Variants in AVEN observed in about 807,000 individuals in gnomAD.
AVEN encodes the protein cell death regulator Aven.
Under a neutral mutation model 38.1 loss-of-function variants are expected in AVEN, and 41 were observed. The ratio of observed to expected loss-of-function variants is 1.08; its 90% confidence interval spans 0.84 to 1.40. The LOEUF (loss-of-function observed/expected upper bound fraction) is 1.40, where lower values mean the gene tolerates loss of function less well. Ranked by LOEUF, AVEN falls within the 40% of genes most tolerant of loss-of-function variation. AVEN has a pLI of 0.00. For synonymous variants in AVEN, 206 were observed against 171.8 expected, an observed-to-expected ratio of 1.20 and a Z score of -1.56; for missense variants, 605 against 438.8, an observed-to-expected ratio of 1.38 and a Z score of -3.38.
At chr15:33,939,805 G>A (rs538539619) in intron 2 of AVEN, among the ~76,000 whole-genome samples, 3 of 152,092 alleles carry the variant, frequency 2.0e-5, no homozygotes, top group East Asian at 3.9e-4. Context: ...TGGGGCCATC[G>A]GGAAGTAGTT....
At position 33,866,708 on chromosome 15, in the gene AVEN, T is replaced by C; in HGVS notation, c.994A>G (p.Thr332Ala). Residue 332 changes from threonine to alanine, a missense_variant, in exon 6 of 6, where the codon ACT (threonine) becomes GCT (alanine). Coordinates refer to ENST00000306730, the MANE Select transcript of AVEN (RefSeq NM_020371.3). ...EEEVCAKPSV[T>A]EEKNMEPEQP... ...TCAGGTTCCATGTTTTTTTCTTCAG[T>C]CACAGATGGTTTTGCACAAACTGGG... The C allele has an allele frequency of 6.2e-7, 1 of 1,613,936 alleles. No homozygotes were observed. Among genetic ancestry groups the C allele is most frequent in the Admixed American group, 1.7e-5 (1 of 60,020 alleles).
At chr15:33,958,372 G>T (rs1482826072) in intron 2 of AVEN, among the ~76,000 whole-genome samples, 1 of 152,082 alleles carries the variant, frequency 6.6e-6, no homozygotes, top group Non-Finnish European at 1.5e-5. Context: ...TTAAGGCCAG[G>T]AGTTCAAGAC....
chr15:33,950,315 T>G (rs1794128635), intron 2 of AVEN, among the ~76,000 whole-genome samples: 1 of 152,222 alleles, frequency 6.6e-6, no homozygotes, highest in Non-Finnish European at 1.5e-5. Context: ...ATTACTCTCT[T>G]ACAATTTTCT....
chr15:34,011,054 T>A (rs561928602), intron 1 of AVEN, among the ~76,000 whole-genome samples: 3 of 152,208 alleles, frequency 2.0e-5, no homozygotes, highest in Admixed American at 2.0e-4. Context: ...GGGCCGGGCA[T>A]GGTGGCTCAT....
At chr15:33,954,554 A>G (rs867824258) in intron 2 of AVEN, among the ~76,000 whole-genome samples, 1 of 151,922 alleles carries the variant, frequency 6.6e-6, no homozygotes, top group Non-Finnish European at 1.5e-5. Context: ...TCACAAGGAC[A>G]GAAAACCAAA....
chr15:34,007,374 G>A (rs138480872), intron 1 of AVEN, among the ~76,000 whole-genome samples: 10 of 152,292 alleles, frequency 6.6e-5, no homozygotes, highest in South Asian at 2.1e-4. Context: ...CAGAAGAGCC[G>A]ACGGCCCCTT....
At chr15:33,952,709 C>T (rs1894798094) in intron 2 of AVEN, among the ~76,000 whole-genome samples, 1 of 151,894 alleles carries the variant, frequency 6.6e-6, no homozygotes, top group Non-Finnish European at 1.5e-5. Context: ...TGAAACTATC[C>T]AACTGAGGAA....
At chr15:33,971,247 T>C (rs1326456601) in intron 2 of AVEN, among the ~76,000 whole-genome samples, 1 of 152,094 alleles carries the variant, frequency 6.6e-6, no homozygotes, top group Non-Finnish European at 1.5e-5. Flanking sequence ...ATGACCTGCC[T>C]ACTTGTTTCT....
At chr15:33,936,449 T>G (rs1209082972) in intron 2 of AVEN, among the ~76,000 whole-genome samples, 1 of 152,166 alleles carries the variant, frequency 6.6e-6, no homozygotes, top group Non-Finnish European at 1.5e-5. Flanking sequence ...CAAAGACTCA[T>G]GGAAACAATA....
At chr15:33,909,966 C>A (rs1892857048) in intron 2 of AVEN, among the ~76,000 whole-genome samples, 1 of 144,542 alleles carries the variant, frequency 6.9e-6, no homozygotes, top group African/African-American at 2.9e-5. Context: ...ACACAAAATA[C>A]AAATACAAAA....
intron 1 of AVEN, among the ~76,000 whole-genome samples, chr15:34,029,310 G>A (rs1472564479): frequency 2.6e-5 from 4 of 151,906 alleles, no homozygotes; most frequent in East Asian, 1.9e-4. Flanking sequence ...TGTAAAATAC[G>A]TGCTCATAAA....
chr15:33,878,956 A>C (rs1891367477), intron 2 of AVEN, among the ~76,000 whole-genome samples: 1 of 152,184 alleles, frequency 6.6e-6, no homozygotes, highest in Non-Finnish European at 1.5e-5. Context: ...AGAAATGATC[A>C]TATGATTTCA....
chr15:33,904,439 T>G (rs1319833591), intron 2 of AVEN, among the ~76,000 whole-genome samples: 1 of 151,950 alleles, frequency 6.6e-6, no homozygotes, highest in African/African-American at 2.4e-5. Context: ...GAGACAGAGT[T>G]TTGCTCTTGT....
chr15:33,907,175 G>C (rs186278164), intron 2 of AVEN, among the ~76,000 whole-genome samples: 1 of 152,162 alleles, frequency 6.6e-6, no homozygotes, highest in East Asian at 1.9e-4. Flanking sequence ...CAGCAGGATA[G>C]ACCCTGCTCG....
chr15:34,039,236 C>A (rs1047240076), upstream of AVEN: 227 of 321,042 alleles, frequency 7.1e-4, 1 homozygote, highest in Non-Finnish European at 8.9e-4. Flanking sequence ...GCCGGCGTCC[C>A]GCAGGTGGGG....
Position 34,063,106 on chromosome 15 carries a change from T to C in AVEN, n.1453A>G. On this transcript the variant is annotated non_coding_transcript_exon_variant, in exon 5 of 12. Coordinates refer to the AVEN transcript ENST00000675287. The surrounding 1 kb of genome is among the most constrained non-coding windows in gnomAD (Gnocchi z 4.1). ...CTGGTGATCAGTTTTGACCGTTACTTTTCCATCACAAGACCCTTGACATAT... is the reference window on the plus strand; with the variant it reads ...CTGGTGATCAGTTTTGACCGTTACTCTTCCATCACAAGACCCTTGACATAT... 6.2e-7 allele frequency: 1 copy of C among 1,614,184 alleles called. No homozygotes were observed. The highest frequency in any genetic ancestry group is 8.5e-7 in the Non-Finnish European group (1 of 1,180,028).
intron 1 of AVEN, among the ~76,000 whole-genome samples, chr15:34,009,609 T>C (rs1030074932): frequency 3.3e-5 from 5 of 152,134 alleles, no homozygotes; most frequent in African/African-American, 1.2e-4. Flanking sequence ...ACTACATAAA[T>C]ATCAGACAAA....
In AVEN at chr15:34,003,061, G is replaced by A; in HGVS notation, c.416C>T (p.Thr139Ile). 6.2e-7 allele frequency: 1 copy of A among 1,613,902 alleles called. No individual in the cohort carries two copies. The highest frequency in any genetic ancestry group is 8.5e-7 in the Non-Finnish European group (1 of 1,179,882). ...AGAGCTAAGGAGGACACTGAAATCT[G>A]TTCCCCTCTGTGACTCTCCACTTTC... The part of the protein sequence containing the change: ...NNESGESQRG[T>I]DFSVLLSSAG... Residue 139 changes from threonine to isoleucine, a missense_variant, in exon 2 of 6, where the codon ACA becomes ATA. Coordinates refer to ENST00000306730, the MANE Select transcript of AVEN (RefSeq NM_020371.3).
intron 2 of AVEN, among the ~76,000 whole-genome samples, chr15:33,984,323 GTCA>G (rs1477248845): frequency 6.6e-6 from 1 of 151,818 alleles, no homozygotes; most frequent in African/African-American, 2.4e-5. Flanking sequence ...GGACCTTAAT[GTCA>G]TTTTATTAAG....
Sources: allele counts gnomAD v4.1 joint callset (sites outside exome capture counted in the v4.1 genomes callset), GRCh38; gene constraint gnomAD v4.1.1; non-coding constraint Gnocchi (gnomAD v3.1); transcripts MANE v1.5; gene names NCBI Gene and HGNC (gene_info 2026-07-23, HGNC 2026-07-21).